Variants in SNX14 observed in about 807,000 individuals in gnomAD.
SNX14 encodes the protein sorting nexin 14.
Under a neutral mutation model 133.8 loss-of-function variants are expected in SNX14, and 93 were observed. The ratio of observed to expected loss-of-function variants is 0.70; its 90% CI spans 0.59 to 0.83. The LOEUF (loss-of-function observed/expected upper bound fraction) is 0.83. SNX14 is among the 40% of genes least tolerant of loss of function. The probability of loss-of-function intolerance (pLI) is 0.00; values close to 1 mark genes in which losing one functional copy is unlikely to be tolerated. For missense variants in SNX14, 945 were observed against 1,094.9 expected (o/e 0.86, Z 1.93); for synonymous variants, 368 against 365.6 (o/e 1.01, Z -0.07).
chr6:85,522,962 C>T (rs867348814), intron 21 of SNX14, among the ~76,000 whole-genome samples: 2 of 152,272 alleles, frequency 1.3e-5, no homozygotes, highest in Middle Eastern at 3.4e-3. Context: ...TGATACCTTC[C>T]TAAGAAAGGC....
At chr6:85,517,905 A>G in intron 22 of SNX14, 30 bp from the exon 23 acceptor site, 2 of 1,578,248 alleles carry the variant, frequency 1.3e-6, no homozygotes, top group African/African-American at 1.4e-5. Flanking sequence ...TAAGAAAATA[A>G]AAAATAAAGG....
chr6:85,568,697 T>C (rs1415009329), intron 4 of SNX14, among the ~76,000 whole-genome samples: 1 of 152,202 alleles, frequency 6.6e-6, no homozygotes, highest in Admixed American at 6.5e-5. Context: ...AATCAGATCA[T>C]ATATTTTCTC....
At chr6:85,541,302 C>T (rs1357148498) in intron 15 of SNX14, among the ~76,000 whole-genome samples, 2 of 152,130 alleles carry the variant, frequency 1.3e-5, no homozygotes, top group Admixed American at 1.3e-4. Context: ...CATTAACATT[C>T]TTTCATTGGA....
intron 8 of SNX14, among the ~76,000 whole-genome samples, 195 bp from the exon 9 acceptor site, chr6:85,548,571 G>A (rs563505384): frequency 5.9e-5 from 9 of 152,250 alleles, no homozygotes; most frequent in Non-Finnish European, 1.3e-4. Context: ...CAGAACACAC[G>A]TTGAATAGCA....
At chr6:85,554,441 G>A (rs2128124834) in intron 7 of SNX14, among the ~76,000 whole-genome samples, 1 of 152,086 alleles carries the variant, frequency 6.6e-6, no homozygotes, top group Admixed American at 6.5e-5. Flanking sequence ...AGACAACTAT[G>A]GATGAAGAAA....
chr6:85,517,407 A>T (rs1169560650), intron 23 of SNX14, among the ~76,000 whole-genome samples: 3 of 152,232 alleles, frequency 2.0e-5, no homozygotes, highest in African/African-American at 7.2e-5. Context: ...ATAAGCCATG[A>T]AAGTTAGGTA....
At chr6:85,585,983 G>T (rs1278368017) in intron 1 of SNX14, among the ~76,000 whole-genome samples, 1 of 126,704 alleles carries the variant, frequency 7.9e-6, no homozygotes, top group Admixed American at 8.3e-5. Flanking sequence ...ACCACTCCCC[G>T]CAACAGGAAA....
chr6:85,534,253 G>C (rs996094873), intron 17 of SNX14, among the ~76,000 whole-genome samples: 2 of 152,182 alleles, frequency 1.3e-5, no homozygotes, highest in African/African-American at 4.8e-5. Flanking sequence ...ATCACCTGAG[G>C]TCAGGAGTTC....
Position 85,542,031 on chromosome 6 carries a change from G to A in SNX14, c.1402C>T (p.Leu468Phe), listed in dbSNP as rs1483279274. Residue 468 changes from leucine to phenylalanine, a missense_variant, in exon 15 of 29, where the codon CTT (leucine) becomes TTT (phenylalanine). Leu to Phe is a conservative substitution (Grantham distance 22). Around this residue, in one of 3 missense-constraint regions of SNX14, gnomAD observed 514 missense variants for 538.8 expected, o/e 0.95. Transcript: ENST00000314673. Reference sequence around the variant, plus strand: ...GTTGGTGATTCTGCACCTCTTAAAAGTTGTCTGAAATACTTTAAAATAACA... The same window carrying A: ...GTTGGTGATTCTGCACCTCTTAAAAATTGTCTGAAATACTTTAAAATAACA... Reference protein sequence around the residue: ...FCHSDEYFRQLLRGAESPTRN... With the variant: ...FCHSDEYFRQFLRGAESPTRN... 1 of 1,580,984 alleles carries A rather than the reference G, an allele frequency of 6.3e-7. No individual in the cohort carries two copies. Among genetic ancestry groups the A allele is most frequent in the Non-Finnish European group, 8.6e-7 (1 of 1,163,978 alleles).
intron 21 of SNX14, among the ~76,000 whole-genome samples, chr6:85,525,679 G>C (rs896585131): frequency 3.3e-5 from 5 of 152,084 alleles, no homozygotes; most frequent in African/African-American, 1.2e-4. Flanking sequence ...AATACAAAAT[G>C]AGGAAGAGCA....
At chr6:85,546,650 C>T (rs1362481856) in intron 12 of SNX14, among the ~76,000 whole-genome samples, 3 of 151,822 alleles carry the variant, frequency 2.0e-5, no homozygotes, top group African/African-American at 7.3e-5. Context: ...TTGAGAGAAA[C>T]CCACATATGC....
intron 1 of SNX14, among the ~76,000 whole-genome samples, chr6:85,585,548 T>A (rs1259757950): frequency 6.6e-6 from 1 of 152,074 alleles, no homozygotes; most frequent in African/African-American, 2.4e-5. Context: ...TAACAAAATA[T>A]AAGCTAGTTC....
chr6:85,567,022 A>C (rs908376931), intron 5 of SNX14, among the ~76,000 whole-genome samples: 1 of 152,222 alleles, frequency 6.6e-6, no homozygotes, highest in Non-Finnish European at 1.5e-5. Flanking sequence ...AAAGTACTGA[A>C]GCTATCTTTC....
intron 10 of SNX14, 53 bp from the exon 11 acceptor site, chr6:85,547,450 T>C (rs902193216): frequency 6.2e-7 from 1 of 1,605,822 alleles, no homozygotes; most frequent in Non-Finnish European, 8.5e-7. Flanking sequence ...TGATTTGACA[T>C]ACAAAATCAA....
In SNX14 at chr6:85,505,887, A is replaced by C; in HGVS notation, c.*80T>G. On this transcript the variant is annotated 3_prime_UTR_variant, in exon 29 of 29. Coordinates refer to ENST00000314673, the MANE Select transcript of SNX14 (RefSeq NM_153816.6). Reference sequence around the variant, plus strand: ...CAGCGATGTACATAATATATATAAGAATATACCCAAAAAAGTAAATTTCTA... The same window carrying C: ...CAGCGATGTACATAATATATATAAGCATATACCCAAAAAAGTAAATTTCTA... The C allele has an allele frequency of 1.1e-6, 1 of 919,860 alleles. No homozygotes were observed. Among genetic ancestry groups the C allele is most frequent in the Non-Finnish European group, 1.8e-6 (1 of 560,266 alleles). The allele number at this position is 919,860 out of a possible 1,614,324, so 57.0% of individuals were successfully genotyped here.
chr6:85,584,511 C>T (rs1313385717), intron 1 of SNX14, among the ~76,000 whole-genome samples: 1 of 151,856 alleles, frequency 6.6e-6, no homozygotes, highest in East Asian at 1.9e-4. Flanking sequence ...TGAGAAAGGG[C>T]TAATATCCAG....
chr6:85,585,720 TA>T (rs1459440892), intron 1 of SNX14, among the ~76,000 whole-genome samples: 1 of 151,892 alleles, frequency 6.6e-6, no homozygotes, highest in East Asian at 1.9e-4. Context: ...ACGGATGGAG[TA>T]AAGCAATTCT....
In SNX14 at chr6:85,591,995, AGAGT is replaced by A. The variant is rs751805754; in HGVS notation, c.140+1580_140+1583del. On this transcript the variant is annotated intron_variant, in intron 1 of 28. Transcript: ENST00000314673. ...ATCACTGCACTCCAGCCTGGGCAAG[AGAGT>A]GAGACTCCGTCTCAAAAATAAAAAT... Among the ~76,000 whole-genome samples the A allele has an allele frequency of 2.6e-5, 4 of 152,370 alleles. No homozygotes were observed. In the East Asian group the frequency reaches 7.7e-4, roughly 29 times the overall value.
At chr6:85,583,540 C>T (rs941430189) in intron 1 of SNX14, among the ~76,000 whole-genome samples, 9 of 152,204 alleles carry the variant, frequency 5.9e-5, no homozygotes, top group Admixed American at 5.9e-4. Flanking sequence ...AGCTGATAAG[C>T]AACTTCAGCA....
Sources: gnomAD v4.1 joint callset for allele counts (sites outside exome capture counted in the v4.1 genomes callset) on GRCh38, gnomAD v4.1.1 for gene constraint, gnomAD v4.1.1 regional missense constraint, MANE v1.5 for transcripts, NCBI Gene and HGNC (gene_info 2026-07-23, HGNC 2026-07-21) for gene names.